AUTS2: variants seen among roughly 807,000 people sequenced by gnomAD.
AUTS2 encodes the protein autism susceptibility gene 2 protein.
In AUTS2, 17 loss-of-function variants were observed where a neutral mutation model predicts 112.4. That is an observed-to-expected ratio of 0.15 (90% CI 0.10 to 0.23). AUTS2 has a LOEUF of 0.23. Among genes scored for constraint, AUTS2 ranks in the 10% least tolerant of loss-of-function variants. AUTS2 has a pLI of 1.00. For missense variants in AUTS2, 1,510 were observed against 1,701.6 expected (o/e 0.89, Z 1.98); for synonymous variants, 751 against 702.7 (o/e 1.07, Z -1.09).
At chr7:69,889,338 T>G (rs1794417520) in intron 1 of AUTS2, among the ~76,000 whole-genome samples, 1 of 152,250 alleles carries the variant, frequency 6.6e-6, no homozygotes, top group Admixed American at 6.5e-5. Context: ...GTTACCAATA[T>G]TTTGATACAC....
intron 1 of AUTS2, among the ~76,000 whole-genome samples, chr7:69,868,481 A>C (rs1238737108): frequency 6.6e-6 from 1 of 152,188 alleles, no homozygotes; most frequent in East Asian, 1.9e-4. Context: ...TGATTGAGCG[A>C]AGTTTTTATC....
At position 70,747,910 on chromosome 7, in the gene AUTS2, C is replaced by T. The variant is rs1396229787; in HGVS notation, c.743-14960C>T. Among the ~76,000 whole-genome samples the T allele has an allele frequency of 2.0e-5, 3 of 151,720 alleles. No homozygotes were observed. In the East Asian group the frequency reaches 5.9e-4, roughly 30 times the overall value. On this transcript the variant is annotated intron_variant, in intron 6 of 18. Transcript: ENST00000342771. ...GATCTCGGCTCACTGCAAGCTCCGC[C>T]TTCTGGGTTCACGCCATTGTCCTGC...
intron 5 of AUTS2, among the ~76,000 whole-genome samples, chr7:70,665,226 T>C (rs150072178): frequency 3.9e-5 from 6 of 152,278 alleles, no homozygotes; most frequent in African/African-American, 1.4e-4. Flanking sequence ...TCTAACATTG[T>C]CTTATAGGAG....
intron 2 of AUTS2, among the ~76,000 whole-genome samples, chr7:70,047,138 T>C (rs891648713): frequency 6.6e-6 from 1 of 152,220 alleles, no homozygotes; most frequent in African/African-American, 2.4e-5. Context: ...AATTACCCCA[T>C]GGAATATAAT....
At chr7:70,267,278 CTT>C (rs11376990) in intron 4 of AUTS2, among the ~76,000 whole-genome samples, 3 of 144,890 alleles carry the variant, frequency 2.1e-5, no homozygotes, top group Admixed American at 1.4e-4. Context: ...CTAAATGTTT[CTT>C]TTTTTTTTTT....
chr7:70,511,561 CTTTTT>C (rs3974587), intron 5 of AUTS2, among the ~76,000 whole-genome samples: 5,959 of 70,380 alleles, frequency 0.085, 233 homozygotes, highest in African/African-American at 0.13. Context: ...TTTTCATTTT[CTTTTT>C]TTTTTTTTTT....
intron 1 of AUTS2, among the ~76,000 whole-genome samples, chr7:69,859,640 G>A (rs1792887665): frequency 6.6e-6 from 1 of 152,174 alleles, no homozygotes; most frequent in Non-Finnish European, 1.5e-5. Context: ...ACCATACCTG[G>A]TTAGCCATCT....
intron 2 of AUTS2, among the ~76,000 whole-genome samples, chr7:69,912,174 T>C (rs1795387033): frequency 6.6e-6 from 1 of 152,186 alleles, no homozygotes; most frequent in Non-Finnish European, 1.5e-5. Context: ...AGGCTTAGCC[T>C]CAATTTTCCT....
At chr7:70,274,208 T>G (rs1240036523) in intron 4 of AUTS2, among the ~76,000 whole-genome samples, 1 of 152,162 alleles carries the variant, frequency 6.6e-6, no homozygotes, top group Non-Finnish European at 1.5e-5. Flanking sequence ...TCTTTTCTTC[T>G]TTTAATATCT....
chr7:69,903,279 T>C (rs1181242623), intron 2 of AUTS2, among the ~76,000 whole-genome samples: 1 of 152,198 alleles, frequency 6.6e-6, no homozygotes, highest in African/African-American at 2.4e-5. Context: ...AGCCAAATTA[T>C]AACTTCCTGA....
At chr7:69,877,701 C>A (rs1241720942) in intron 1 of AUTS2, among the ~76,000 whole-genome samples, 1 of 152,082 alleles carries the variant, frequency 6.6e-6, no homozygotes, top group Non-Finnish European at 1.5e-5. Context: ...CGGGTGAGAA[C>A]ATGCAGTATT....
chr7:70,617,599 C>T (rs1804442354), intron 5 of AUTS2, among the ~76,000 whole-genome samples: 1 of 151,686 alleles, frequency 6.6e-6, no homozygotes. Flanking sequence ...GGAGGCAGAG[C>T]TTGCAGTGAG....
At chr7:70,615,068 A>T (rs1260865702) in intron 5 of AUTS2, among the ~76,000 whole-genome samples, 1 of 152,188 alleles carries the variant, frequency 6.6e-6, no homozygotes, top group Non-Finnish European at 1.5e-5. Context: ...ATGAAGAACA[A>T]TTGGCTGGCT....
At chr7:70,160,674 G>A (rs1808030983) in intron 4 of AUTS2, among the ~76,000 whole-genome samples, 1 of 152,190 alleles carries the variant, frequency 6.6e-6, no homozygotes, top group South Asian at 2.1e-4. Context: ...GTGAGTGTCA[G>A]ACACTGTGCT....
intron 2 of AUTS2, among the ~76,000 whole-genome samples, chr7:69,908,666 G>A (rs535391855): frequency 6.6e-6 from 1 of 152,346 alleles, no homozygotes; most frequent in East Asian, 1.9e-4. Context: ...TGACGCTGAT[G>A]TAGCAGGTCA....
chr7:70,517,792 C>A (rs974757587), intron 5 of AUTS2, among the ~76,000 whole-genome samples: 5 of 151,882 alleles, frequency 3.3e-5, no homozygotes, highest in African/African-American at 1.2e-4. Flanking sequence ...CTCACTTAAT[C>A]ATTTGTATGT....
intron 1 of AUTS2, among the ~76,000 whole-genome samples, chr7:69,791,376 A>G (rs139860318): frequency 6.6e-6 from 1 of 152,340 alleles, no homozygotes; most frequent in Non-Finnish European, 1.5e-5. Context: ...TTTCATAATG[A>G]AATTGAAAAA....
In AUTS2 at chr7:69,891,774, C is replaced by CTTTTTTTTTTTTTTTTTTTTTTTTTTTT. The variant is rs763424098; in HGVS notation, c.310-7502_310-7475dup. ...ATTCATTCACTTTCCAGACAGATAT[C>CTTTTTTTTTTTTTTTTTTTTTTTTTTTT]TTTTTTTTTTTTTTTTTTTTTTTTT... On this transcript the variant is annotated intron_variant, in intron 1 of 18. Transcript: ENST00000342771. Among the ~76,000 whole-genome samples the CTTTTTTTTTTTTTTTTTTTTTTTTTTTT allele has an allele frequency of 3.0e-4, 8 of 26,736 alleles. 4 individuals carry two copies. Among genetic ancestry groups the CTTTTTTTTTTTTTTTTTTTTTTTTTTTT allele is most frequent in the Non-Finnish European group, 6.3e-4 (8 of 12,792 alleles). The allele number at this position is 26,736 out of a possible 152,430, so 17.5% of individuals were successfully genotyped here.
At chr7:69,746,016 G>A (rs980606015) in intron 1 of AUTS2, among the ~76,000 whole-genome samples, 1 of 152,016 alleles carries the variant, frequency 6.6e-6, no homozygotes. Context: ...TGAAACTACA[G>A]GCGTGCCTCG....
Sources: gnomAD v4.1 joint callset for allele counts (sites outside exome capture counted in the v4.1 genomes callset) on GRCh38, gnomAD v4.1.1 for gene constraint, MANE v1.5 for transcripts, NCBI Gene and HGNC (gene_info 2026-07-23, HGNC 2026-07-21) for gene names.